Variants in AK2 observed in about 807,000 individuals in gnomAD.
The protein encoded by AK2 is adenylate kinase 2.
A neutral mutation model predicts 24.6 loss-of-function variants in AK2; 15 were observed. The observed-to-expected ratio is 0.61, with a 90% CI of 0.41 to 0.94. The LOEUF (loss-of-function observed/expected upper bound fraction) is 0.94. Among genes scored for constraint, AK2 ranks in the 40% least tolerant of loss-of-function variants. AK2 has a pLI of 0.00. For synonymous variants in AK2, 102 were observed against 114.0 expected, an observed-to-expected ratio of 0.90 and a Z score of 0.67; for missense variants, 257 against 304.1, an observed-to-expected ratio of 0.85 and a Z score of 1.15.
intron 4 of AK2, chr1:33,020,172 G>T (rs532915745): frequency 1.4e-6 from 2 of 1,478,804 alleles, no homozygotes; most frequent in Non-Finnish European, 1.8e-6. Context: ...CTATTACAGA[G>T]AAACAAACAT....
intron 4 of AK2, among the ~76,000 whole-genome samples, chr1:33,017,885 G>C (rs1006171994): frequency 5.3e-5 from 8 of 152,142 alleles, no homozygotes; most frequent in Admixed American, 4.6e-4. Flanking sequence ...CTCCCAAGTA[G>C]CTGGGACCAC....
rs1196575996 is a variant in AK2, at chr1:33,012,275, T to C, written c.*906A>G. ...AAAATATTCCAATTTGGCCTGGCTC[T>C]TTTTATGACGATATCCTCTCCCAGT... On this transcript the variant is annotated 3_prime_UTR_variant, in exon 6 of 6. Transcript: ENST00000672715. 3 of 1,534,452 alleles carry C rather than the reference T, an allele frequency of 2.0e-6. No homozygotes were observed. Among genetic ancestry groups the C allele is most frequent in the Non-Finnish European group, 2.6e-6 (3 of 1,146,540 alleles).
Position 33,036,783 on chromosome 1 carries a change from T to C in AK2, c.46A>G (p.Ile16Val). 6.2e-7 allele frequency: 1 copy of C among 1,600,326 alleles called. No homozygotes were observed. The highest frequency in any genetic ancestry group is 8.5e-7 in the Non-Finnish European group (1 of 1,174,126). The part of the protein sequence containing the change: ...PAAEPEYPKG[I>V]RAVLLGPPGA... ...GGAGGCCCCAGCAGCACGGCCCGGA[T>C]GCCTTTAGGATACTCGGGTTCTGCC... The change falls in exon 1 of 6, where the codon ATC (isoleucine) becomes GTC (valine). Residue 16 changes from isoleucine to valine, a missense_variant. Ile to Val is a conservative substitution (Grantham distance 29, BLOSUM62 3). Coordinates refer to ENST00000672715, the MANE Select transcript of AK2 (RefSeq NM_001625.4).
chr1:33,020,826 C>T (rs2124324395), intron 4 of AK2, among the ~76,000 whole-genome samples: 1 of 134,510 alleles, frequency 7.4e-6, no homozygotes, highest in Non-Finnish European at 1.6e-5. Flanking sequence ...GCCTGGGTGA[C>T]AGAGTAAGAC....
chr1:33,027,672 G>A (rs1032078804), intron 1 of AK2, among the ~76,000 whole-genome samples: 1 of 151,382 alleles, frequency 6.6e-6, no homozygotes, highest in African/African-American at 2.4e-5. Flanking sequence ...GCTTGAACCC[G>A]TGAGGTGGAG....
intron 2 of AK2, 119 bp downstream of exon 2, chr1:33,024,323 T>A: frequency 1.4e-6 from 2 of 1,396,150 alleles, no homozygotes; most frequent in Non-Finnish European, 2.0e-6. Flanking sequence ...ACTGAGGAAC[T>A]GATTTTTACA....
At chr1:33,016,905 C>T (rs574054895) in intron 4 of AK2, among the ~76,000 whole-genome samples, 2 of 151,888 alleles carry the variant, frequency 1.3e-5, no homozygotes, top group South Asian at 2.1e-4. Flanking sequence ...CGGGGTTTCA[C>T]CATGTTGGCC....
Position 33,011,306 on chromosome 1 carries a change from G to C in AK2, c.*1875C>G, listed in dbSNP as rs1044535145. 1 of 1,290,090 alleles carries C rather than the reference G, an allele frequency of 7.8e-7. No individual in the cohort carries two copies. The highest frequency in any genetic ancestry group is 1.2e-5 in the South Asian group (1 of 80,954). The allele number at this position is 1,290,090 out of a possible 1,614,324, so 79.9% of individuals were successfully genotyped here. A position where few individuals can be genotyped will look rare whatever the true frequency, so the allele number is the denominator to read the frequency against. ...CAGGCACACATAGCTGACAGTTTTTGTTTCACTCCTCTTCCTTGCCCATTC... is the reference window on the plus strand; with the variant it reads ...CAGGCACACATAGCTGACAGTTTTTCTTTCACTCCTCTTCCTTGCCCATTC... On this transcript the variant is annotated 3_prime_UTR_variant, in exon 6 of 6. Coordinates refer to ENST00000672715, the MANE Select transcript of AK2 (RefSeq NM_001625.4).
In AK2 at chr1:33,011,291, T is replaced by TA. The variant is rs1638803710; in HGVS notation, c.*1889dup. On this transcript the variant is annotated 3_prime_UTR_variant, in exon 6 of 6. Coordinates refer to ENST00000672715, the MANE Select transcript of AK2 (RefSeq NM_001625.4). ...AGAAGGATCCCAGACCAGGCACACA[T>TA]AGCTGACAGTTTTTGTTTCACTCCT... 2.3e-6 allele frequency: 3 copies of TA among 1,291,494 alleles called. No homozygotes were observed. The highest frequency in any genetic ancestry group is 1.5e-5 in the African/African-American group (1 of 66,012). The allele number at this position is 1,291,494 out of a possible 1,614,324, so 80.0% of individuals were successfully genotyped here.
chr1:33,015,964 CTTTT>C (rs1434833324), intron 4 of AK2, among the ~76,000 whole-genome samples: 1 of 152,148 alleles, frequency 6.6e-6, no homozygotes, highest in African/African-American at 2.4e-5. Context: ...GTGCTACTTT[CTTTT>C]TTGTTAATCA....
intron 4 of AK2, among the ~76,000 whole-genome samples, chr1:33,018,905 C>A (rs1639357227): frequency 6.6e-6 from 1 of 152,142 alleles, no homozygotes; most frequent in Non-Finnish European, 1.5e-5. Flanking sequence ...CCCAGTGGCT[C>A]AAGACTATCT....
At chr1:33,026,502 T>C (rs892594702) in intron 1 of AK2, among the ~76,000 whole-genome samples, 1 of 152,224 alleles carries the variant, frequency 6.6e-6, no homozygotes, top group East Asian at 1.9e-4. Context: ...TGGAATCTAG[T>C]GAGAAGGCAT....
intron 4 of AK2, among the ~76,000 whole-genome samples, chr1:33,016,402 G>C (rs1191260728): frequency 6.6e-6 from 1 of 151,798 alleles, no homozygotes; most frequent in Non-Finnish European, 1.5e-5. Context: ...TAGTAGAAAC[G>C]GGGTTTCACC....
chr1:33,021,803 T>C (rs1470013476), intron 2 of AK2, 100 bp from the exon 3 acceptor site: 5 of 880,306 alleles, frequency 5.7e-6, no homozygotes, highest in African/African-American at 3.3e-5. Context: ...TATAACCTTA[T>C]TACTAAACAG....
chr1:33,018,074 G>A (rs973233454), intron 4 of AK2, among the ~76,000 whole-genome samples: 6 of 152,114 alleles, frequency 3.9e-5, no homozygotes, highest in Admixed American at 2.0e-4. Flanking sequence ...CATTCAGTGC[G>A]ACACTTTAAA....
chr1:33,014,611 G>C lies in AK2; in HGVS notation c.426-17C>G. 2 of 1,606,650 alleles carry C rather than the reference G, an allele frequency of 1.2e-6. No individual in the cohort carries two copies. The highest frequency in any genetic ancestry group is 1.3e-5 in the African/African-American group (1 of 74,780). On this transcript the variant is annotated splice_polypyrimidine_tract_variant and intron_variant, in intron 4 of 5. Transcript: ENST00000672715. ...TGAATCAGCCTGAAAGACAGCAAAT[G>C]AATATGAGTTAGGTTAACTGACAGT...
chr1:33,010,906 A>AT lies in AK2; in HGVS notation c.*2274dup. The stretch of plus-strand genomic sequence containing the variant: ...CAAGTACATATCAGAGGAGGCTGGC[A>AT]TGTAAGCCCCAGCAACCAAATGCAT... On this transcript the variant is annotated 3_prime_UTR_variant, in exon 6 of 6. Coordinates refer to ENST00000672715, the MANE Select transcript of AK2 (RefSeq NM_001625.4). 1.2e-6 allele frequency: 2 copies of AT among 1,607,866 alleles called. No individual in the cohort carries two copies. Among genetic ancestry groups the AT allele is most frequent in the Non-Finnish European group, 8.5e-7 (1 of 1,177,048 alleles).
At position 33,012,078 on chromosome 1, in the gene AK2, G is replaced by T. The variant is rs1424533155; in HGVS notation, c.*1103C>A. ...AATAAAAGCAAATAAACCTACCCTG[G>T]TCTCTTTTTGGGGAAGTAGATTTGA... is the stretch of plus-strand genomic sequence containing the variant. On this transcript the variant is annotated 3_prime_UTR_variant, in exon 6 of 6. Coordinates refer to ENST00000672715, the MANE Select transcript of AK2 (RefSeq NM_001625.4). The T allele has an allele frequency of 5.2e-6, 8 of 1,535,280 alleles. No individual in the cohort carries two copies. Among genetic ancestry groups the T allele is most frequent in the Non-Finnish European group, 7.0e-6 (8 of 1,146,732 alleles).
chr1:33,008,835 A>G lies in AK2; in HGVS notation c.*4346T>C, dbSNP rs1400000509. 2.2e-6 allele frequency: 1 copy of G among 453,984 alleles called. No homozygotes were observed. Among genetic ancestry groups the G allele is most frequent in the Non-Finnish European group, 4.4e-6 (1 of 226,790 alleles). The allele number at this position is 453,984 out of a possible 1,614,324, so 28.1% of individuals were successfully genotyped here. On this transcript the variant is annotated 3_prime_UTR_variant, in exon 6 of 6. Coordinates refer to ENST00000672715, the MANE Select transcript of AK2 (RefSeq NM_001625.4). ...ACTAGTCTGCATTCTTGGTTTGCAG[A>G]TTAGATGAGGAAACCCAGGCCCAAA...
Sources: gnomAD v4.1 joint callset for allele counts (sites outside exome capture counted in the v4.1 genomes callset) on GRCh38, gnomAD v4.1.1 for gene constraint, MANE v1.5 for transcripts, NCBI Gene and HGNC (gene_info 2026-07-23, HGNC 2026-07-21) for gene names.